SMOC2: variants seen among roughly 807,000 people sequenced by gnomAD.
The protein encoded by SMOC2 is SPARC related modular calcium binding 2, also known as SPARC-related modular calcium-binding protein 2.
SMOC2 carries 39 observed loss-of-function variants against 61.4 expected under a neutral mutation model. That is an observed-to-expected ratio of 0.64 (90% confidence interval 0.49 to 0.83). SMOC2 has a LOEUF of 0.83. Ranked by LOEUF, SMOC2 falls within the 40% of genes least tolerant of loss-of-function variation. The pLI is 0.00. For missense variants in SMOC2, 556 were observed against 592.9 expected, an observed-to-expected ratio of 0.94 and a Z score of 0.65; for synonymous variants, 247 against 239.9, an observed-to-expected ratio of 1.03 and a Z score of -0.27.
chr6:168,562,901 A>G (rs1258223390), intron 7 of SMOC2, among the ~76,000 whole-genome samples: 1 of 152,220 alleles, frequency 6.6e-6, no homozygotes, highest in Non-Finnish European at 1.5e-5. Flanking sequence ...AGAAGGAGGC[A>G]GAATCTTTCT....
At chr6:168,481,340 T>C (rs1485383729) in intron 1 of SMOC2, among the ~76,000 whole-genome samples, 1 of 152,082 alleles carries the variant, frequency 6.6e-6, no homozygotes, top group African/African-American at 2.4e-5. Context: ...GTAAAAAACA[T>C]GATCTCAAAT....
chr6:168,599,641 C>T (rs1785475840), intron 8 of SMOC2, among the ~76,000 whole-genome samples: 2 of 88,360 alleles, frequency 2.3e-5, no homozygotes, highest in Non-Finnish European at 4.7e-5. Context: ...CACCCACACC[C>T]ACACACACTC....
At chr6:168,468,593 G>T (rs1017805355) in intron 1 of SMOC2, among the ~76,000 whole-genome samples, 1 of 152,216 alleles carries the variant, frequency 6.6e-6, no homozygotes, top group Non-Finnish European at 1.5e-5. Context: ...GGGGTGCAGT[G>T]GCACGAACTC....
At position 168,464,673 on chromosome 6, in the gene SMOC2, T is replaced by G. The variant is rs184372315; in HGVS notation, c.84+23219T>G. 1.2e-4 allele frequency among the ~76,000 whole-genome samples: 19 copies of G among 152,160 alleles called. 1 individual carries two copies. The highest frequency in any genetic ancestry group is 4.6e-4 in the African/African-American group (19 of 41,530). On this transcript the variant is annotated intron_variant, in intron 1 of 12. Transcript: ENST00000356284. The stretch of plus-strand genomic sequence containing the variant: ...CCACAAATGGATAACTCCAAACATA[T>G]CATGTGCCACAGCCTTTTAAACATT...
At chr6:168,479,088 C>T (rs1010306968) in intron 1 of SMOC2, among the ~76,000 whole-genome samples, 2 of 149,636 alleles carry the variant, frequency 1.3e-5, no homozygotes, top group Admixed American at 6.7e-5. Flanking sequence ...GACCCTGTCT[C>T]GGGAAAAGGA....
At chr6:168,456,420 T>C (rs773840561) in intron 1 of SMOC2, among the ~76,000 whole-genome samples, 1 of 152,072 alleles carries the variant, frequency 6.6e-6, no homozygotes, top group Non-Finnish European at 1.5e-5. Context: ...TCAGGCTGCA[T>C]TGAAGCAGGC....
intron 1 of SMOC2, among the ~76,000 whole-genome samples, chr6:168,477,889 A>T (rs922977351): frequency 2.0e-5 from 3 of 152,188 alleles, no homozygotes; most frequent in Non-Finnish European, 2.9e-5. Context: ...TCATTCCGCG[A>T]CCCACTCGAT....
At chr6:168,470,201 C>T (rs1781939918) in intron 1 of SMOC2, among the ~76,000 whole-genome samples, 1 of 152,216 alleles carries the variant, frequency 6.6e-6, no homozygotes, top group South Asian at 2.1e-4. Context: ...TTTGAGGTCT[C>T]AGAATCACAG....
chr6:168,616,169 G>C (rs1423741906), intron 9 of SMOC2, among the ~76,000 whole-genome samples: 1 of 152,170 alleles, frequency 6.6e-6, no homozygotes, highest in Non-Finnish European at 1.5e-5. Context: ...GATCCCTGCT[G>C]TCATATCAAA....
intron 11 of SMOC2, among the ~76,000 whole-genome samples, chr6:168,658,978 G>GGT (rs1260917341): frequency 1.4e-5 from 2 of 143,518 alleles, no homozygotes; most frequent in African/African-American, 2.6e-5. Flanking sequence ...GTGTGTGTAT[G>GGT]GTGTGTGTGT....
chr6:168,530,325 G>C (rs2115080203), intron 4 of SMOC2, among the ~76,000 whole-genome samples: 1 of 152,206 alleles, frequency 6.6e-6, no homozygotes, highest in East Asian at 1.9e-4. Context: ...ATCTTTAATA[G>C]GAAATGGATT....
At chr6:168,567,761 A>G (rs9456192) in intron 7 of SMOC2, among the ~76,000 whole-genome samples, 7,475 of 151,098 alleles carry the variant, frequency 0.049, 532 homozygotes, top group African/African-American at 0.16. Flanking sequence ...GGCGAAGACC[A>G]GATGGTGTGT....
At position 168,544,981 on chromosome 6, in the gene SMOC2, G is replaced by GA. The variant is rs1356148083; in HGVS notation, c.511+1314dup. Among the ~76,000 whole-genome samples the GA allele has an allele frequency of 2.4e-4, 37 of 152,226 alleles. No individual in the cohort carries two copies. In the East Asian group the frequency reaches 6.0e-3, roughly 25 times the overall value. On this transcript the variant is annotated intron_variant, in intron 5 of 12. Transcript: ENST00000356284. This position sits in a 1 kb window ranked among gnomAD's most constrained non-coding sequence, Gnocchi z 4.1. Reference sequence around the variant, plus strand: ...AAGGAAGATAGCTCATTTTCCAGCCGAAAAATGATGACAGGCATAATGGGG... The same window carrying GA: ...AAGGAAGATAGCTCATTTTCCAGCCGAAAAAATGATGACAGGCATAATGGGG...
At chr6:168,633,404 T>G (rs1786621867) in intron 9 of SMOC2, among the ~76,000 whole-genome samples, 1 of 152,044 alleles carries the variant, frequency 6.6e-6, no homozygotes. Flanking sequence ...CAGGGACAAG[T>G]AAGTGCTCCC....
At chr6:168,581,692 G>C (rs1424976772) in intron 7 of SMOC2, among the ~76,000 whole-genome samples, 2 of 152,202 alleles carry the variant, frequency 1.3e-5, no homozygotes. Flanking sequence ...TGCACCTGTA[G>C]ACACACAAGC....
intron 1 of SMOC2, among the ~76,000 whole-genome samples, chr6:168,463,732 A>T (rs1447264649): frequency 1.3e-5 from 2 of 151,092 alleles, no homozygotes; most frequent in Non-Finnish European, 2.9e-5. Context: ...ACACTTCCGG[A>T]CTCCTCTCCA....
In SMOC2 at chr6:168,477,754, G is replaced by A. The variant is rs563758775; in HGVS notation, c.85-32161G>A. On this transcript the variant is annotated intron_variant, in intron 1 of 12. Coordinates refer to ENST00000356284, the MANE Select transcript of SMOC2 (RefSeq NM_001166412.2). ...GAGGTGGGGAAAGTACTTTGGATGCGGTGCTCTAAAGAACCATCCCCTAAT... is the reference window on the plus strand; with the variant it reads ...GAGGTGGGGAAAGTACTTTGGATGCAGTGCTCTAAAGAACCATCCCCTAAT... Among the ~76,000 whole-genome samples the A allele has an allele frequency of 3.3e-5, 5 of 152,220 alleles. No homozygotes were observed. In the East Asian group the frequency reaches 7.8e-4, roughly 24 times the overall value.
intron 2 of SMOC2, among the ~76,000 whole-genome samples, chr6:168,515,776 C>T (rs1181129711): frequency 4.6e-5 from 7 of 152,094 alleles, no homozygotes; most frequent in East Asian, 1.9e-4. Context: ...GAGCCCAGGA[C>T]GGGTGAGAAC....
chr6:168,470,128 C>A (rs535232126), intron 1 of SMOC2, among the ~76,000 whole-genome samples: 24 of 152,288 alleles, frequency 1.6e-4, no homozygotes, highest in African/African-American at 5.3e-4. Flanking sequence ...GCTCCAGAAT[C>A]TACAGGGCGG....
Sources: allele counts gnomAD v4.1 joint callset (sites outside exome capture counted in the v4.1 genomes callset), GRCh38; gene constraint gnomAD v4.1.1; non-coding constraint Gnocchi (gnomAD v3.1); transcripts MANE v1.5; gene names NCBI Gene and HGNC (gene_info 2026-07-23, HGNC 2026-07-21).